Variants in PTPRO observed in about 807,000 individuals in gnomAD.
The protein encoded by PTPRO is protein tyrosine phosphatase receptor type O, also known as receptor-type tyrosine-protein phosphatase O.
PTPRO carries 62 observed loss-of-function variants against 145.2 expected under a neutral mutation model. The observed-to-expected ratio is 0.43, with a 90% CI of 0.35 to 0.53. PTPRO has a LOEUF of 0.53. Among genes scored for constraint, PTPRO ranks in the 20% least tolerant of loss-of-function variants. The pLI is 0.01. For synonymous variants in PTPRO, 565 were observed against 514.7 expected, an observed-to-expected ratio of 1.10 and a Z score of -1.32; for missense variants, 1,345 against 1,482.7, an observed-to-expected ratio of 0.91 and a Z score of 1.53.
chr12:15,362,783 G>T (rs1938249264), intron 1 of PTPRO, among the ~76,000 whole-genome samples: 1 of 151,984 alleles, frequency 6.6e-6, no homozygotes, highest in African/African-American at 2.4e-5. Flanking sequence ...AAAATAAAAC[G>T]ATATTATAGT....
chr12:15,515,286 G>A (rs1321034414), intron 7 of PTPRO, among the ~76,000 whole-genome samples: 5 of 152,072 alleles, frequency 3.3e-5, no homozygotes, highest in Admixed American at 6.5e-5. Context: ...ACAGGGCTTA[G>A]AACAGACAAA....
chr12:15,436,635 A>G (rs1173714078), intron 1 of PTPRO, among the ~76,000 whole-genome samples: 1 of 152,240 alleles, frequency 6.6e-6, no homozygotes, highest in African/African-American at 2.4e-5. Context: ...AGACACCAGG[A>G]AAAGTGGCAG....
chr12:15,403,972 C>T (rs1050794634), intron 1 of PTPRO, among the ~76,000 whole-genome samples: 1 of 151,782 alleles, frequency 6.6e-6, no homozygotes, highest in Non-Finnish European at 1.5e-5. Context: ...CCAAGGCGGG[C>T]AGATCAGAGG....
intron 19 of PTPRO, among the ~76,000 whole-genome samples, chr12:15,577,747 C>T (rs2300287): frequency 0.19 from 28,858 of 152,126 alleles, 2,881 homozygotes; most frequent in Middle Eastern, 0.26. Flanking sequence ...TACTAACATT[C>T]CTCTAACATT....
intron 2 of PTPRO, among the ~76,000 whole-genome samples, chr12:15,495,481 A>C (rs1332462149): frequency 6.6e-6 from 1 of 151,600 alleles, no homozygotes; most frequent in Admixed American, 6.6e-5. Context: ...TAAAGTTTAA[A>C]CTAAGGACAT....
At chr12:15,543,489 G>C (rs1462349521) in intron 12 of PTPRO, among the ~76,000 whole-genome samples, 1 of 152,178 alleles carries the variant, frequency 6.6e-6, no homozygotes, top group Non-Finnish European at 1.5e-5. Flanking sequence ...AAAAACAGAA[G>C]AGAACATTAA....
chr12:15,514,470 A>AG (rs1319614207), intron 7 of PTPRO, among the ~76,000 whole-genome samples: 4 of 143,044 alleles, frequency 2.8e-5, no homozygotes, highest in African/African-American at 1.1e-4. Flanking sequence ...AAAAAAAAAA[A>AG]AAAGAAAGAA....
At chr12:15,575,248 G>C (rs954429023) in intron 19 of PTPRO, among the ~76,000 whole-genome samples, 1 of 152,192 alleles carries the variant, frequency 6.6e-6, no homozygotes, top group African/African-American at 2.4e-5. Flanking sequence ...TGGAGTCCCT[G>C]CTAGAGCACT....
rs1944687416 is a variant in PTPRO, at chr12:15,597,785, T to C, written c.*1712T>C. Among the ~76,000 whole-genome samples the C allele has an allele frequency of 6.6e-6, 1 of 152,172 alleles. No homozygotes were observed. The highest frequency in any genetic ancestry group is 1.5e-5 in the Non-Finnish European group (1 of 68,022). ...CTGCTACCACCTCCTCCTCTTCTTC[T>C]CACCCCCGACTCCTTTATTTCCCTT... is the stretch of plus-strand genomic sequence containing the variant. On this transcript the variant is annotated 3_prime_UTR_variant, in exon 27 of 27. Transcript: ENST00000281171.
At position 15,524,855 on chromosome 12, in the gene PTPRO, A is replaced by T. The variant is rs148773070; in HGVS notation, c.1933A>T (p.Ser645Cys). The T allele has an allele frequency of 1.2e-6, 2 of 1,613,660 alleles. No homozygotes were observed. Among genetic ancestry groups the T allele is most frequent in the Non-Finnish European group, 8.5e-7 (1 of 1,179,590 alleles). ...AATCACTTCTGTGGAATATTTCAACAGTCTGTTATATATCAGTTGGACATA... is the reference window on the plus strand; with the variant it reads ...AATCACTTCTGTGGAATATTTCAACTGTCTGTTATATATCAGTTGGACATA... ...PEITSVEYFN[S>C]LLYISWTYGD... The change falls in exon 11 of 27, where the codon AGT (serine) becomes TGT (cysteine). Residue 645 changes from serine to cysteine, a missense_variant. By Grantham distance (112) the Ser-to-Cys change is moderately radical. Around this residue, in one of 3 missense-constraint regions of PTPRO, gnomAD observed 1,130 missense variants for 1,214.7 expected, o/e 0.93. Transcript: ENST00000281171.
Position 15,556,642 on chromosome 12 carries a change from C to T in PTPRO, c.2559-813C>T, listed in dbSNP as rs372826328. ...TTCTAATCTCCAGTGATGAATAATACGGGCATCACAATATAAGAGAAAGAT... is the reference window on the plus strand; with the variant it reads ...TTCTAATCTCCAGTGATGAATAATATGGGCATCACAATATAAGAGAAAGAT... On this transcript the variant is annotated intron_variant, in intron 15 of 26. Transcript: ENST00000281171. Among the ~76,000 whole-genome samples, 131 of 152,064 alleles carry T rather than the reference C, an allele frequency of 8.6e-4. No individual in the cohort carries two copies. The South Asian group carries it at 0.023, about 27-fold the overall frequency.
intron 1 of PTPRO, among the ~76,000 whole-genome samples, chr12:15,474,638 G>A (rs1463397042): frequency 2.6e-5 from 4 of 152,176 alleles, no homozygotes; most frequent in Non-Finnish European, 5.9e-5. Context: ...TTTTCCTGCA[G>A]AGTCAAGCAA....
chr12:15,455,314 C>CG (rs991188479), intron 1 of PTPRO, among the ~76,000 whole-genome samples: 3 of 151,742 alleles, frequency 2.0e-5, no homozygotes, highest in African/African-American at 7.3e-5. Flanking sequence ...CCCCTTCCCC[C>CG]CCACACACAC....
chr12:15,449,745 T>C (rs530707576), intron 1 of PTPRO, among the ~76,000 whole-genome samples: 2 of 152,314 alleles, frequency 1.3e-5, no homozygotes, highest in East Asian at 1.9e-4. Flanking sequence ...ATTTCTTAGT[T>C]TGGCAAATGC....
At chr12:15,481,221 G>A (rs1257633769) in intron 1 of PTPRO, among the ~76,000 whole-genome samples, 3 of 152,114 alleles carry the variant, frequency 2.0e-5, no homozygotes, top group Admixed American at 6.5e-5. Flanking sequence ...TGGCAATATA[G>A]CATGGTTCAT....
At chr12:15,380,607 T>C (rs1938830648) in intron 1 of PTPRO, among the ~76,000 whole-genome samples, 1 of 152,122 alleles carries the variant, frequency 6.6e-6, no homozygotes, top group Non-Finnish European at 1.5e-5. Context: ...CATCTAAAGG[T>C]GGAATTTTGC....
At chr12:15,477,489 C>T (rs1032291224) in intron 1 of PTPRO, among the ~76,000 whole-genome samples, 1 of 151,404 alleles carries the variant, frequency 6.6e-6, no homozygotes, top group Non-Finnish European at 1.5e-5. Context: ...TACCCTAAAA[C>T]TTAAAGTATA....
chr12:15,496,139 T>C (rs1458955106), intron 2 of PTPRO, among the ~76,000 whole-genome samples: 1 of 101,834 alleles, frequency 9.8e-6, no homozygotes. Flanking sequence ...CTTTTCTTTT[T>C]TTGTTTTTTT....
At chr12:15,390,810 T>C (rs11056455) in intron 1 of PTPRO, among the ~76,000 whole-genome samples, 30,850 of 152,160 alleles carry the variant, frequency 0.2, 3,334 homozygotes, top group Non-Finnish European at 0.24. Context: ...TGTCTTAGTC[T>C]GCTCAGGCTA....
Sources: allele counts gnomAD v4.1 joint callset (sites outside exome capture counted in the v4.1 genomes callset), GRCh38; gene constraint gnomAD v4.1.1; regional missense constraint gnomAD v4.1.1; transcripts MANE v1.5; gene names NCBI Gene and HGNC (gene_info 2026-07-23, HGNC 2026-07-21).